PDE7B: variants seen among roughly 807,000 people sequenced by gnomAD.
PDE7B encodes 3',5'-cyclic-AMP phosphodiesterase 7B.
Under a neutral mutation model 56.2 loss-of-function variants are expected in PDE7B, and 29 were observed. That is an observed-to-expected ratio of 0.52 (90% CI 0.38 to 0.70). PDE7B has a LOEUF of 0.70. PDE7B is among the 30% of genes least tolerant of loss of function. PDE7B has a pLI of 0.00. For synonymous variants in PDE7B, 197 were observed against 196.9 expected (o/e 1.00, Z 0.00); for missense variants, 490 against 565.0 (o/e 0.87, Z 1.35).
At chr6:136,124,520 C>T (rs1486518337) in intron 3 of PDE7B, among the ~76,000 whole-genome samples, 1 of 152,198 alleles carries the variant, frequency 6.6e-6, no homozygotes, top group East Asian at 1.9e-4. Context: ...TCCACATCCC[C>T]TGAGGCCAAG....
At chr6:135,934,920 T>G (rs1774378948) in intron 1 of PDE7B, among the ~76,000 whole-genome samples, 1 of 106,872 alleles carries the variant, frequency 9.4e-6, no homozygotes, top group African/African-American at 3.8e-5. Flanking sequence ...AATATTTATT[T>G]AAATATATAT....
chr6:135,860,213 A>G (rs1469963169), intron 1 of PDE7B, among the ~76,000 whole-genome samples: 1 of 152,038 alleles, frequency 6.6e-6, no homozygotes, highest in East Asian at 1.9e-4. Context: ...TGAGACTCAG[A>G]TAAATTGCGG....
chr6:135,925,264 G>C (rs1402798175), intron 1 of PDE7B, among the ~76,000 whole-genome samples: 1 of 152,100 alleles, frequency 6.6e-6, no homozygotes, highest in African/African-American at 2.4e-5. Context: ...TTTAGATCTT[G>C]AGTGAACACT....
At chr6:135,955,478 C>T (rs1330046489) in intron 2 of PDE7B, among the ~76,000 whole-genome samples, 2 of 152,038 alleles carry the variant, frequency 1.3e-5, no homozygotes, top group African/African-American at 2.4e-5. Context: ...GTAAGAAAGT[C>T]TTTATGCCTG....
chr6:135,950,634 T>C (rs1193567318), intron 2 of PDE7B, among the ~76,000 whole-genome samples: 1 of 152,098 alleles, frequency 6.6e-6, no homozygotes, highest in Non-Finnish European at 1.5e-5. Context: ...AACCTCCCTC[T>C]CTACCCACTC....
intron 2 of PDE7B, among the ~76,000 whole-genome samples, chr6:136,053,910 T>G (rs949636446): frequency 2.6e-5 from 4 of 152,236 alleles, no homozygotes; most frequent in South Asian, 2.1e-4. Context: ...GGCGTTGTTT[T>G]TTTCTTGTAA....
At chr6:135,897,848 A>G (rs996635383) in intron 1 of PDE7B, among the ~76,000 whole-genome samples, 2 of 152,148 alleles carry the variant, frequency 1.3e-5, no homozygotes, top group Non-Finnish European at 2.9e-5. Flanking sequence ...GCCAGTGGCC[A>G]CCAGCCCTGA....
At chr6:135,960,123 G>A (rs1440761817) in intron 2 of PDE7B, among the ~76,000 whole-genome samples, 2 of 152,176 alleles carry the variant, frequency 1.3e-5, no homozygotes, top group Admixed American at 1.3e-4. Flanking sequence ...TGCAGTTCAA[G>A]TAAGAGGTAG....
chr6:135,873,600 T>C (rs1251953610), intron 1 of PDE7B, among the ~76,000 whole-genome samples: 1 of 152,124 alleles, frequency 6.6e-6, no homozygotes, highest in East Asian at 1.9e-4. Context: ...TAGGCATATA[T>C]GATTGATTTT....
chr6:135,858,396 A>C (rs1280406121), intron 1 of PDE7B, among the ~76,000 whole-genome samples: 1 of 151,974 alleles, frequency 6.6e-6, no homozygotes, highest in Non-Finnish European at 1.5e-5. Context: ...CAAGTGATCC[A>C]CCCGCCTTGG....
At chr6:136,140,256 G>A (rs1778296419) in intron 3 of PDE7B, among the ~76,000 whole-genome samples, 1 of 152,120 alleles carries the variant, frequency 6.6e-6, no homozygotes, top group Non-Finnish European at 1.5e-5. Flanking sequence ...GTTTTTGTCA[G>A]GTTTGTCAAA....
At chr6:135,985,523 G>A (rs1303787024) in intron 2 of PDE7B, among the ~76,000 whole-genome samples, 1 of 152,152 alleles carries the variant, frequency 6.6e-6, no homozygotes, top group African/African-American at 2.4e-5. Flanking sequence ...TCTGCAAAGG[G>A]AACAATTTCT....
At chr6:136,020,984 C>T (rs1776060567) in intron 2 of PDE7B, among the ~76,000 whole-genome samples, 1 of 152,186 alleles carries the variant, frequency 6.6e-6, no homozygotes, top group Non-Finnish European at 1.5e-5. Flanking sequence ...AGTGCAAGAG[C>T]TACGTCTTTC....
At chr6:135,924,957 A>G (rs1774157791) in intron 1 of PDE7B, among the ~76,000 whole-genome samples, 1 of 149,838 alleles carries the variant, frequency 6.7e-6, no homozygotes, top group South Asian at 2.1e-4. Context: ...ATATAGTTTT[A>G]TATCAACGTC....
chr6:135,972,275 G>C (rs913144622), intron 2 of PDE7B, among the ~76,000 whole-genome samples: 2 of 148,190 alleles, frequency 1.3e-5, no homozygotes, highest in Non-Finnish European at 3.0e-5. Flanking sequence ...AAAAAACAGG[G>C]ATGTGTCTGC....
intron 1 of PDE7B, among the ~76,000 whole-genome samples, chr6:135,882,173 T>A (rs1007636283): frequency 6.6e-6 from 1 of 152,208 alleles, no homozygotes; most frequent in African/African-American, 2.4e-5. Context: ...GGTATAAAAT[T>A]TGTGGTGAAT....
rs1774064977 is a variant in PDE7B at position 135,920,950 on chromosome 6, C to T, written c.22-26514C>T. Among the ~76,000 whole-genome samples, 5 of 152,232 alleles carry T rather than the reference C, an allele frequency of 3.3e-5. No individual in the cohort carries two copies. In the South Asian group the frequency reaches 1.0e-3, roughly 32 times the overall value. ...ATAAACAATGTGGTGCTGGTAGTGG[C>T]CACTGGTGAATTCTTTTTCTCTTGG... On this transcript the variant is annotated intron_variant, in intron 1 of 12. Transcript: ENST00000308191.
At position 136,020,712 on chromosome 6, in the gene PDE7B, C is replaced by G. The variant is rs1487576820; in HGVS notation, c.82+73188C>G. Among the ~76,000 whole-genome samples the G allele has an allele frequency of 1.7e-3, 252 of 152,244 alleles. 4 individuals are homozygous for G. The East Asian group carries it at 0.028, about 17-fold the overall frequency. ...CTGTTTGCTATGGTCTCTAAATAAG[C>G]ACCTATATTAAGAGCAAGGGACTCA... is the stretch of plus-strand genomic sequence containing the variant. On this transcript the variant is annotated intron_variant, in intron 2 of 12. Transcript: ENST00000308191.
At chr6:135,983,624 A>G (rs1220704176) in intron 2 of PDE7B, among the ~76,000 whole-genome samples, 4 of 152,172 alleles carry the variant, frequency 2.6e-5, no homozygotes, top group African/African-American at 4.8e-5. Context: ...CCTAAATAGG[A>G]ACTGTCTTTT....
Sources: gnomAD v4.1 joint callset for allele counts (sites outside exome capture counted in the v4.1 genomes callset) on GRCh38, gnomAD v4.1.1 for gene constraint, MANE v1.5 for transcripts, NCBI Gene and HGNC (gene_info 2026-07-23, HGNC 2026-07-21) for gene names.